Variants in HS3ST2 observed in about 807,000 individuals in gnomAD.
The protein encoded by HS3ST2 is heparan sulfate glucosamine 3-O-sulfotransferase 2.
A neutral mutation model predicts 26.3 loss-of-function variants in HS3ST2; 17 were observed. That is an observed-to-expected ratio of 0.65 (90% confidence interval 0.44 to 0.97). The LOEUF is 0.97. HS3ST2 is among the 50% of genes least tolerant of loss of function. The pLI, the probability that HS3ST2 is intolerant of heterozygous loss-of-function variation, is 0.00. For synonymous variants in HS3ST2, 237 were observed against 219.2 expected (o/e 1.08, Z -0.72); for missense variants, 402 against 501.2 (o/e 0.80, Z 1.89).
chr16:22,907,283 A>T (rs1295205724), intron 1 of HS3ST2, among the ~76,000 whole-genome samples: 3 of 152,252 alleles, frequency 2.0e-5, no homozygotes, highest in African/African-American at 7.2e-5. Flanking sequence ...CAAGGGCCTC[A>T]AATGCCAAGC....
intron 1 of HS3ST2, among the ~76,000 whole-genome samples, chr16:22,825,842 G>A (rs1401049126): frequency 2.0e-5 from 3 of 152,200 alleles, no homozygotes; most frequent in Admixed American, 6.5e-5. Context: ...GGCCAACATG[G>A]TGAAACCCCA....
chr16:22,884,406 T>C (rs12102329), intron 1 of HS3ST2, among the ~76,000 whole-genome samples: 70,581 of 151,828 alleles, frequency 0.46, 16,878 homozygotes, highest in Non-Finnish European at 0.5. Context: ...CCTGCCGAGG[T>C]AGAAGGAAAA....
chr16:22,866,375 T>C (rs1901752350), intron 1 of HS3ST2, among the ~76,000 whole-genome samples: 1 of 145,788 alleles, frequency 6.9e-6, no homozygotes, highest in African/African-American at 2.5e-5. Context: ...TGTGCGTGTG[T>C]GTGTGTGTGT....
At chr16:22,837,520 T>TAC (rs1315305790) in intron 1 of HS3ST2, among the ~76,000 whole-genome samples, 1 of 147,066 alleles carries the variant, frequency 6.8e-6, no homozygotes, top group South Asian at 2.1e-4. Flanking sequence ...TGTATATATA[T>TAC]ACACATATAT....
At chr16:22,842,853 G>A (rs187170132) in intron 1 of HS3ST2, among the ~76,000 whole-genome samples, 9 of 152,224 alleles carry the variant, frequency 5.9e-5, no homozygotes, top group Non-Finnish European at 1.3e-4. Flanking sequence ...TTTTTAACAG[G>A]AACAAGGCTC....
chr16:22,834,835 A>G (rs1901229434), intron 1 of HS3ST2, among the ~76,000 whole-genome samples: 1 of 152,098 alleles, frequency 6.6e-6, no homozygotes, highest in Non-Finnish European at 1.5e-5. Context: ...GCTCTTTGTC[A>G]ATCTAATGCA....
intron 1 of HS3ST2, among the ~76,000 whole-genome samples, chr16:22,858,536 G>C (rs1403539328): frequency 6.7e-6 from 1 of 150,330 alleles, no homozygotes; most frequent in Non-Finnish European, 1.5e-5. Flanking sequence ...TTCTAAGAGA[G>C]CTTATTTTGG....
At chr16:22,852,787 T>C (rs1258605603) in intron 1 of HS3ST2, among the ~76,000 whole-genome samples, 1 of 152,194 alleles carries the variant, frequency 6.6e-6, no homozygotes. Context: ...CCCTTGATGG[T>C]GACTCGTGTT....
chr16:22,832,143 C>T (rs917788200), intron 1 of HS3ST2, among the ~76,000 whole-genome samples: 4 of 128,068 alleles, frequency 3.1e-5, no homozygotes, highest in Admixed American at 3.0e-4. Flanking sequence ...CTACCATCCC[C>T]AGCTGATCTT....
At chr16:22,821,411 TC>T (rs1364973917) in intron 1 of HS3ST2, among the ~76,000 whole-genome samples, 1 of 151,176 alleles carries the variant, frequency 6.6e-6, no homozygotes, top group Non-Finnish European at 1.5e-5. Flanking sequence ...TATGAATCAT[TC>T]CTGTATGATC....
chr16:22,842,105 A>C (rs1471850822), intron 1 of HS3ST2, among the ~76,000 whole-genome samples: 2 of 129,732 alleles, frequency 1.5e-5, no homozygotes, highest in African/African-American at 6.0e-5. Flanking sequence ...GCTGTTACCC[A>C]GGCTGGAGTG....
At chr16:22,884,292 T>C (rs1000208849) in intron 1 of HS3ST2, among the ~76,000 whole-genome samples, 1 of 152,060 alleles carries the variant, frequency 6.6e-6, no homozygotes, top group African/African-American at 2.4e-5. Flanking sequence ...GTTTTATAGA[T>C]AGGAACCCAA....
chr16:22,833,090 T>G (rs976829700), intron 1 of HS3ST2, among the ~76,000 whole-genome samples: 15 of 152,126 alleles, frequency 9.9e-5, no homozygotes, highest in African/African-American at 3.4e-4. Context: ...CTCCCCAGCC[T>G]CTGCTAAAGA....
chr16:22,821,935 T>C lies in HS3ST2; in HGVS notation c.485+6840T>C, dbSNP rs564683067. Among the ~76,000 whole-genome samples, 8 of 152,254 alleles carry C rather than the reference T, an allele frequency of 5.3e-5. No individual in the cohort carries two copies. In the South Asian group the frequency reaches 1.0e-3, roughly 20 times the overall value. ...CGTGGATTTCCTGGGCATGGGTCCA[T>C]TGGGTGTCTTCCTAAGCTTTTCAAA... On this transcript the variant is annotated intron_variant, in intron 1 of 1. Transcript: ENST00000261374.
intron 1 of HS3ST2, among the ~76,000 whole-genome samples, chr16:22,900,771 A>G (rs1361896002): frequency 2.0e-5 from 3 of 152,178 alleles, no homozygotes; most frequent in Admixed American, 6.5e-5. Flanking sequence ...CAGAAAAGTG[A>G]AACATGACCA....
chr16:22,869,625 C>T (rs1297015537), intron 1 of HS3ST2, among the ~76,000 whole-genome samples: 1 of 152,110 alleles, frequency 6.6e-6, no homozygotes, highest in African/African-American at 2.4e-5. Context: ...CAGAGAAACT[C>T]CCCCTTTTAA....
chr16:22,895,808 T>C (rs1902202454), intron 1 of HS3ST2, among the ~76,000 whole-genome samples: 1 of 152,148 alleles, frequency 6.6e-6, no homozygotes, highest in Non-Finnish European at 1.5e-5. Context: ...GTATGTATCC[T>C]GTTTATAATA....
At chr16:22,860,188 A>G (rs1567490107) in intron 1 of HS3ST2, among the ~76,000 whole-genome samples, 1 of 152,152 alleles carries the variant, frequency 6.6e-6, no homozygotes, top group Non-Finnish European at 1.5e-5. Flanking sequence ...ATGGACTCAC[A>G]GTTCCACATG....
At chr16:22,914,674 C>T (rs920719779) in intron 1 of HS3ST2, among the ~76,000 whole-genome samples, 18 of 129,096 alleles carry the variant, frequency 1.4e-4, no homozygotes, top group Non-Finnish European at 1.6e-5. Context: ...GAGTTGGAAG[C>T]TGCAGTGAGC....
Sources: gnomAD v4.1 joint callset for allele counts (sites outside exome capture counted in the v4.1 genomes callset) on GRCh38, gnomAD v4.1.1 for gene constraint, MANE v1.5 for transcripts, NCBI Gene and HGNC (gene_info 2026-07-23, HGNC 2026-07-21) for gene names.